Variants in EGFLAM observed in about 807,000 individuals in gnomAD.
EGFLAM encodes the protein EGF like, fibronectin type III and laminin G domains.
Under a neutral mutation model 113.1 loss-of-function variants are expected in EGFLAM, and 79 were observed. The ratio of observed to expected loss-of-function variants is 0.70; its 90% confidence interval spans 0.58 to 0.84. EGFLAM has a LOEUF of 0.84. EGFLAM is among the 40% of genes least tolerant of loss of function. The pLI is 0.00. For missense variants in EGFLAM, 1,265 were observed against 1,291.6 expected, an observed-to-expected ratio of 0.98 and a Z score of 0.32; for synonymous variants, 504 against 487.6, an observed-to-expected ratio of 1.03 and a Z score of -0.44.
intron 6 of EGFLAM, among the ~76,000 whole-genome samples, chr5:38,392,630 G>GA (rs1561064396): frequency 1.8e-5 from 2 of 109,646 alleles, no homozygotes; most frequent in African/African-American, 9.1e-5. Flanking sequence ...CTTTTTTTTT[G>GA]GGGGGGCGGT....
In EGFLAM at chr5:38,350,570, G is replaced by A; in HGVS notation, c.361G>A (p.Gly121Ser). 1 of 1,614,116 alleles carries A rather than the reference G, an allele frequency of 6.2e-7. No homozygotes were observed. Among genetic ancestry groups the A allele is most frequent in the East Asian group, 2.2e-5 (1 of 44,872 alleles). Residue 121 changes from glycine to serine, a missense_variant, in exon 4 of 22, where the codon GGC (glycine) becomes AGC (serine). Coordinates refer to ENST00000322350, the MANE Select transcript of EGFLAM (RefSeq NM_152403.4). ...RVSIAAYSQA[G>S]KGRLSSPRHV... ...GAGCATAGCAGCTTACAGCCAGGCT[G>A]GCAAAGGGCGGCTGAGCTCTCCTCG...
intron 7 of EGFLAM, among the ~76,000 whole-genome samples, 185 bp from the exon 8 acceptor site, chr5:38,406,643 C>T (rs1364626420): frequency 6.6e-6 from 1 of 152,104 alleles, no homozygotes; most frequent in Non-Finnish European, 1.5e-5. Context: ...CAAGGAAAAG[C>T]ACTATAAGTC....
At chr5:38,365,282 G>A (rs1489843491) in intron 5 of EGFLAM, among the ~76,000 whole-genome samples, 5 of 152,252 alleles carry the variant, frequency 3.3e-5, no homozygotes, top group Non-Finnish European at 7.4e-5. Context: ...AAGGAGAATC[G>A]GTTTGTGAAA....
intron 1 of EGFLAM, among the ~76,000 whole-genome samples, chr5:38,261,895 G>A (rs73750654): frequency 0.019 from 2,875 of 152,152 alleles, 81 homozygotes; most frequent in African/African-American, 0.065. Flanking sequence ...AGGGTCAGAG[G>A]GCCCACTACA....
chr5:38,326,361 G>A (rs1203320010), intron 1 of EGFLAM, among the ~76,000 whole-genome samples: 1 of 152,206 alleles, frequency 6.6e-6, no homozygotes, highest in African/African-American at 2.4e-5. Context: ...AGGAGCGAAT[G>A]GCCGCCTGTT....
intron 1 of EGFLAM, among the ~76,000 whole-genome samples, chr5:38,318,439 A>G (rs947780619): frequency 2.0e-5 from 3 of 151,546 alleles, no homozygotes; most frequent in African/African-American, 7.3e-5. Context: ...TATATATACT[A>G]TAGTATACTA....
chr5:38,367,184 G>C (rs2112026959), intron 5 of EGFLAM, among the ~76,000 whole-genome samples: 1 of 151,592 alleles, frequency 6.6e-6, no homozygotes, highest in East Asian at 1.9e-4. Flanking sequence ...GTCTCATTTT[G>C]TCACTAGGCT....
intron 3 of EGFLAM, among the ~76,000 whole-genome samples, chr5:38,350,252 T>C (rs1226941392): frequency 1.3e-5 from 2 of 152,198 alleles, no homozygotes; most frequent in Non-Finnish European, 2.9e-5. Context: ...CATTTGCTAG[T>C]GTGAATGTAT....
At chr5:38,315,854 C>A (rs1738579577) in intron 1 of EGFLAM, among the ~76,000 whole-genome samples, 1 of 151,980 alleles carries the variant, frequency 6.6e-6, no homozygotes, top group Admixed American at 6.5e-5. Flanking sequence ...GGCAGGTGGA[C>A]CACCTGAGGT....
chr5:38,448,577 A>C (rs533486230), intron 18 of EGFLAM, among the ~76,000 whole-genome samples, 198 bp downstream of exon 18: 97 of 152,260 alleles, frequency 6.4e-4, no homozygotes, highest in African/African-American at 2.1e-3. Context: ...AACAAACTAA[A>C]CTTGAGAAAT....
chr5:38,339,330 C>T (rs541371838), intron 3 of EGFLAM, among the ~76,000 whole-genome samples: 1 of 152,006 alleles, frequency 6.6e-6, no homozygotes, highest in African/African-American at 2.4e-5. Flanking sequence ...GAATTTTTGG[C>T]CTTAGGCATC....
intron 1 of EGFLAM, among the ~76,000 whole-genome samples, chr5:38,314,966 C>T (rs530861965): frequency 6.6e-6 from 1 of 152,282 alleles, no homozygotes; most frequent in African/African-American, 2.4e-5. Flanking sequence ...CAAAAAAATC[C>T]TTGTCATAAG....
chr5:38,429,318 A>C (rs556008668), intron 14 of EGFLAM, among the ~76,000 whole-genome samples: 1 of 152,246 alleles, frequency 6.6e-6, no homozygotes, highest in East Asian at 1.9e-4. Context: ...TCTTTATTGC[A>C]TATTGATTTA....
chr5:38,301,553 T>C (rs1401352207), intron 1 of EGFLAM, among the ~76,000 whole-genome samples: 1 of 152,068 alleles, frequency 6.6e-6, no homozygotes, highest in African/African-American at 2.4e-5. Context: ...GGTAGTTGCC[T>C]GGAGAAACAG....
intron 6 of EGFLAM, among the ~76,000 whole-genome samples, chr5:38,399,137 G>A (rs1386563694): frequency 2.0e-5 from 3 of 152,170 alleles, no homozygotes; most frequent in Non-Finnish European, 4.4e-5. Context: ...GGGAAAGTTT[G>A]GGTTTGCACA....
chr5:38,387,442 C>A (rs534657362), intron 6 of EGFLAM, among the ~76,000 whole-genome samples: 1 of 152,148 alleles, frequency 6.6e-6, no homozygotes, highest in Non-Finnish European at 1.5e-5. Flanking sequence ...GCTATTCCAT[C>A]TCCTCATCTT....
At chr5:38,372,992 TAAA>T in intron 6 of EGFLAM, among the ~76,000 whole-genome samples, 1 of 152,228 alleles carries the variant, frequency 6.6e-6, no homozygotes, top group Non-Finnish European at 1.5e-5. Flanking sequence ...CTATCTGAAT[TAAA>T]TTAAAACTGT....
intron 1 of EGFLAM, among the ~76,000 whole-genome samples, chr5:38,284,762 T>A (rs1438288163): frequency 6.6e-6 from 1 of 152,228 alleles, no homozygotes; most frequent in Non-Finnish European, 1.5e-5. Context: ...CTAGAGAAAG[T>A]GCAGTGGAGT....
At chr5:38,320,586 C>A (rs745500547) in intron 1 of EGFLAM, among the ~76,000 whole-genome samples, 5 of 151,956 alleles carry the variant, frequency 3.3e-5, no homozygotes, top group Non-Finnish European at 5.9e-5. Flanking sequence ...GTGCGTATGC[C>A]TGTGTATATG....
Sources: gnomAD v4.1 joint callset for allele counts (sites outside exome capture counted in the v4.1 genomes callset) on GRCh38, gnomAD v4.1.1 for gene constraint, MANE v1.5 for transcripts, NCBI Gene and HGNC (gene_info 2026-07-23, HGNC 2026-07-21) for gene names.